Variants in PCDH11X observed in about 807,000 individuals in gnomAD.
PCDH11X encodes protocadherin-11 X-linked.
Under a neutral mutation model 53.3 loss-of-function variants are expected in PCDH11X, and 18 were observed. That is an observed-to-expected ratio of 0.34 (90% CI 0.23 to 0.50). The LOEUF (loss-of-function observed/expected upper bound fraction) is 0.50, where lower values mean the gene tolerates loss of function less well. Ranked by LOEUF, PCDH11X falls within the 20% of genes least tolerant of loss-of-function variation. PCDH11X has a pLI of 0.98. For synonymous variants in PCDH11X, 279 were observed against 393.3 expected, an observed-to-expected ratio of 0.71 and a Z score of 3.44; for missense variants, 570 against 1,032.4, an observed-to-expected ratio of 0.55 and a Z score of 6.14.
At chrX:92,035,988 G>A (rs745403096) in intron 6 of PCDH11X, among the ~76,000 whole-genome samples, 1,350 of 37,151 alleles carry the variant, frequency 0.036, 80 homozygotes, top group African/African-American at 0.13. Context: ...CATAATTTCT[G>A]CTTGATACTT....
chrX:92,531,168 T>C (rs2074547959), intron 10 of PCDH11X, among the ~76,000 whole-genome samples: 1 of 110,719 alleles, frequency 9.0e-6, no homozygotes, highest in African/African-American at 3.3e-5. Flanking sequence ...CTTGTAAGAA[T>C]TTAAGACTAA....
chrX:92,187,416 C>T (rs951137215), intron 6 of PCDH11X, among the ~76,000 whole-genome samples: 1 of 111,658 alleles, frequency 9.0e-6, no homozygotes, highest in Non-Finnish European at 1.9e-5. Context: ...TTAGTCACAT[C>T]TGCAGAGTCC....
intron 8 of PCDH11X, among the ~76,000 whole-genome samples, chrX:92,346,490 C>A (rs1427700649): frequency 9.0e-6 from 1 of 110,977 alleles, no homozygotes; most frequent in Non-Finnish European, 1.9e-5. Flanking sequence ...ATAAATAAAA[C>A]CTGCACAAGT....
rs1438213370 is a variant in PCDH11X at position 92,270,265 on chromosome X, C to G, written c.3144+7122C>G. On this transcript the variant is annotated intron_variant, in intron 8 of 10. Coordinates refer to ENST00000682573, the MANE Select transcript of PCDH11X (RefSeq NM_032968.5). ...AGTAGCTGGGATTACAGGCGCCCAC[C>G]ACCAAGCCCGGCTAGTTGTTTTTTG... Among the ~76,000 whole-genome samples the G allele has an allele frequency of 5.4e-5, 6 of 110,211 alleles. No homozygotes were observed. The East Asian group carries it at 1.7e-3, about 32-fold the overall frequency.
At chrX:91,822,178 G>C (rs1936714762) in intron 4 of PCDH11X, among the ~76,000 whole-genome samples, 1 of 110,237 alleles carries the variant, frequency 9.1e-6, no homozygotes, top group African/African-American at 3.4e-5. Context: ...TCAGAATGAT[G>C]CTGGCCTCAT....
chrX:92,332,720 A>ACAG (rs112550030), intron 8 of PCDH11X, among the ~76,000 whole-genome samples: 23,266 of 109,189 alleles, frequency 0.21, 2,402 homozygotes, highest in East Asian at 0.67. Context: ...AGTTACTAAA[A>ACAG]CAGCAGCAGC....
At chrX:91,904,030 A>T (rs1378654137) in intron 6 of PCDH11X, among the ~76,000 whole-genome samples, 4 of 109,991 alleles carry the variant, frequency 3.6e-5, no homozygotes, top group Non-Finnish European at 7.6e-5. Flanking sequence ...GTAGGAGTTG[A>T]GGAGATGGAG....
intron 4 of PCDH11X, among the ~76,000 whole-genome samples, chrX:91,833,559 G>A (rs4023976): frequency 0.32 from 35,536 of 109,969 alleles, 4,835 homozygotes; most frequent in African/African-American, 0.51. Flanking sequence ...CATATTTTAT[G>A]TATGATACCA....
chrX:92,234,904 A>T lies in PCDH11X; in HGVS notation c.3115-28210A>T, dbSNP rs187622016. Among the ~76,000 whole-genome samples the T allele has an allele frequency of 3.6e-3, 406 of 111,239 alleles. 4 individuals carry two copies. The highest frequency in any genetic ancestry group is 0.012 in the African/African-American group (380 of 30,741). On this transcript the variant is annotated intron_variant, in intron 7 of 10. Coordinates refer to ENST00000682573, the MANE Select transcript of PCDH11X (RefSeq NM_032968.5). Reference sequence around the variant, plus strand: ...AAGATAATAAAACATTTCTTCTCCCATGTGTTTTTTAATTGTAAAGGAAAA... The same window carrying T: ...AAGATAATAAAACATTTCTTCTCCCTTGTGTTTTTTAATTGTAAAGGAAAA...
In PCDH11X at chrX:92,042,634, CT is replaced by C. The variant is rs3865918; in HGVS notation, c.3034-158719del. ...AGCTCAGGAAGCTATAAAGTTGTTGCTTTTTTTTTTTTTTTTTTTTTTGAGA... is the reference window on the plus strand; with the variant it reads ...AGCTCAGGAAGCTATAAAGTTGTTGCTTTTTTTTTTTTTTTTTTTTTGAGA... On this transcript the variant is annotated intron_variant, in intron 6 of 10. Transcript: ENST00000682573. Among the ~76,000 whole-genome samples, 381 of 59,166 alleles carry C rather than the reference CT, an allele frequency of 6.4e-3. 3 individuals carry two copies. Among genetic ancestry groups the C allele is most frequent in the African/African-American group, 0.017 (240 of 14,363 alleles). 51.4% of individuals were successfully genotyped at this position (59,166 alleles called of 115,157 possible).
Position 92,305,009 on chromosome X carries a change from T to C in PCDH11X, c.3144+41866T>C, listed in dbSNP as rs1280804421. On this transcript the variant is annotated intron_variant, in intron 8 of 10. Transcript: ENST00000682573. Reference sequence around the variant, plus strand: ...GTATCCCAAGAGATAATCTAGGAAATTGGAATATTTGAAAGCAATCTGTTA... The same window carrying C: ...GTATCCCAAGAGATAATCTAGGAAACTGGAATATTTGAAAGCAATCTGTTA... 4.5e-5 allele frequency among the ~76,000 whole-genome samples: 5 copies of C among 110,864 alleles called. No individual in the cohort carries two copies. In the Admixed American group the frequency reaches 4.8e-4, roughly 11 times the overall value.
At chrX:91,893,752 T>C (rs1940616309) in intron 6 of PCDH11X, among the ~76,000 whole-genome samples, 1 of 111,033 alleles carries the variant, frequency 9.0e-6, no homozygotes, top group Admixed American at 9.7e-5. Context: ...ATATCAAATG[T>C]ACATATATGT....
chrX:92,279,884 G>A (rs1030052353), intron 8 of PCDH11X, among the ~76,000 whole-genome samples: 2 of 112,025 alleles, frequency 1.8e-5, no homozygotes, highest in African/African-American at 6.5e-5. Context: ...AATTTCTCCT[G>A]TACAGTCATG....
intron 6 of PCDH11X, among the ~76,000 whole-genome samples, chrX:92,076,787 G>A (rs1253058173): frequency 8.9e-6 from 1 of 111,817 alleles, no homozygotes; most frequent in Non-Finnish European, 1.9e-5. Flanking sequence ...GCCCAGCTGG[G>A]CTTATTCAAA....
intron 6 of PCDH11X, among the ~76,000 whole-genome samples, chrX:92,153,632 TTTA>T (rs1317275593): frequency 2.7e-5 from 3 of 111,495 alleles, no homozygotes; most frequent in Non-Finnish European, 5.6e-5. Flanking sequence ...GTATATCATT[TTTA>T]TTATCTAAAG....
intron 9 of PCDH11X, among the ~76,000 whole-genome samples, chrX:92,389,921 A>G (rs968808076): frequency 9.1e-6 from 1 of 109,357 alleles, no homozygotes; most frequent in Non-Finnish European, 1.9e-5. Context: ...TGAACATTAA[A>G]TATCTTGTTC....
chrX:92,386,049 T>C (rs1282683286), intron 8 of PCDH11X, among the ~76,000 whole-genome samples: 2 of 111,846 alleles, frequency 1.8e-5, no homozygotes, highest in African/African-American at 6.5e-5. Context: ...TATTTCTCAT[T>C]AGAAGAAGTA....
At chrX:92,147,810 C>CTTTCTTTCTTTTCTTTCTTTCTTT (rs1556065506) in intron 6 of PCDH11X, among the ~76,000 whole-genome samples, 6 of 70,207 alleles carry the variant, frequency 8.5e-5, no homozygotes, top group African/African-American at 3.3e-4. Context: ...TTTCTTCCTT[C>CTTTCTTTCTTTTCTTTCTTTCTTT]CTTTCTTTCT....
intron 8 of PCDH11X, among the ~76,000 whole-genome samples, chrX:92,315,056 C>A (rs918007892): frequency 2.7e-5 from 3 of 110,969 alleles, no homozygotes; most frequent in African/African-American, 9.8e-5. Flanking sequence ...TAAGAATCTT[C>A]ATCAATGTCC....
Sources: gnomAD v4.1 joint callset for allele counts (sites outside exome capture counted in the v4.1 genomes callset) on GRCh38, gnomAD v4.1.1 for gene constraint, MANE v1.5 for transcripts, NCBI Gene and HGNC (gene_info 2026-07-23, HGNC 2026-07-21) for gene names.